Variants in NEBL observed in about 807,000 individuals in gnomAD.
The protein encoded by NEBL is nebulette, also known as LIM and SH3 protein 2.
In NEBL, 122 loss-of-function variants were observed where a neutral mutation model predicts 140.2. The ratio of observed to expected loss-of-function variants is 0.87; its 90% CI spans 0.75 to 1.01. The LOEUF is 1.01. Ranked by LOEUF, NEBL falls within the 50% of genes least tolerant of loss-of-function variation. The pLI is 0.00. For missense variants in NEBL, 1,365 were observed against 1,231.3 expected (o/e 1.11, Z -1.62); for synonymous variants, 436 against 398.9 (o/e 1.09, Z -1.11).
intron 3 of NEBL, among the ~76,000 whole-genome samples, chr10:21,220,155 C>T (rs746327543): frequency 7.9e-5 from 12 of 152,072 alleles, no homozygotes; most frequent in African/African-American, 1.9e-4. Context: ...TCAAGTGATC[C>T]GCCCATCTTG....
At chr10:21,171,334 T>C (rs1470063845) in intron 2 of NEBL, among the ~76,000 whole-genome samples, 2 of 88,340 alleles carry the variant, frequency 2.3e-5, no homozygotes, top group African/African-American at 5.2e-5. Context: ...AACTTCTGTC[T>C]CAAAAAAAAA....
At chr10:20,919,486 T>C (rs2131494705) in intron 4 of NEBL, among the ~76,000 whole-genome samples, 1 of 152,322 alleles carries the variant, frequency 6.6e-6, no homozygotes, top group South Asian at 2.1e-4. Context: ...AAAGAAAATT[T>C]CCATTATTAG....
chr10:21,276,546 C>T (rs990625586), intron 1 of NEBL, among the ~76,000 whole-genome samples: 1 of 152,194 alleles, frequency 6.6e-6, no homozygotes, highest in Non-Finnish European at 1.5e-5. Context: ...CTGATTGCCA[C>T]TCGAGTATGA....
chr10:20,788,881 T>C (rs1337469480), intron 26 of NEBL, among the ~76,000 whole-genome samples: 2 of 152,206 alleles, frequency 1.3e-5, no homozygotes, highest in Non-Finnish European at 2.9e-5. Context: ...TATATTAGAC[T>C]CTGGAAGCCT....
At chr10:21,031,889 A>G (rs1283114703) in intron 2 of NEBL, among the ~76,000 whole-genome samples, 1 of 152,220 alleles carries the variant, frequency 6.6e-6, no homozygotes, top group Non-Finnish European at 1.5e-5. Context: ...TTCATTGCAC[A>G]TAAAAGATTC....
chr10:20,840,518 A>G (rs1841313225), intron 13 of NEBL, among the ~76,000 whole-genome samples: 1 of 152,150 alleles, frequency 6.6e-6, no homozygotes, highest in South Asian at 2.1e-4. Flanking sequence ...CGTTTATTAT[A>G]TGGATTTTCT....
intron 26 of NEBL, among the ~76,000 whole-genome samples, chr10:20,792,123 GAAA>G (rs11286684): frequency 5.6e-5 from 6 of 106,780 alleles, no homozygotes; most frequent in African/African-American, 1.2e-4. Flanking sequence ...ATTCCAAATA[GAAA>G]AAAAAAAAAA....
At chr10:21,021,672 G>C (rs1483233874) in intron 2 of NEBL, among the ~76,000 whole-genome samples, 1 of 152,180 alleles carries the variant, frequency 6.6e-6, no homozygotes, top group Non-Finnish European at 1.5e-5. Flanking sequence ...GGTCAGGAAT[G>C]GCCCCTGGAT....
intron 3 of NEBL, among the ~76,000 whole-genome samples, chr10:21,011,227 C>T (rs946952242): frequency 1.3e-5 from 2 of 152,254 alleles, no homozygotes; most frequent in Non-Finnish European, 2.9e-5. Context: ...GAGCCCAGAT[C>T]GCTGGGTGGC....
chr10:20,998,756 T>C (rs551192509), intron 3 of NEBL, among the ~76,000 whole-genome samples: 1 of 152,294 alleles, frequency 6.6e-6, no homozygotes, highest in East Asian at 1.9e-4. Flanking sequence ...CTCTGCAACA[T>C]GTCAACTCTG....
chr10:20,899,514 C>G, upstream of NEBL: 1 of 919,460 alleles, frequency 1.1e-6, no homozygotes, highest in South Asian at 1.7e-5. Flanking sequence ...CCAAACACCA[C>G]GTGCAATGTG....
intron 3 of NEBL, among the ~76,000 whole-genome samples, chr10:21,214,525 T>C (rs1564543793): frequency 6.7e-6 from 1 of 148,226 alleles, no homozygotes; most frequent in African/African-American, 2.5e-5. Flanking sequence ...CACATGCACA[T>C]TACACACACA....
At chr10:21,110,820 T>A (rs1279697103) in intron 2 of NEBL, 11 of 605,718 alleles carry the variant, frequency 1.8e-5, no homozygotes, top group Non-Finnish European at 3.5e-5. Flanking sequence ...ATGCAAAGGA[T>A]GAATTGCACA....
intron 4 of NEBL, among the ~76,000 whole-genome samples, chr10:20,928,855 T>C (rs972088689): frequency 3.9e-5 from 6 of 152,254 alleles, no homozygotes; most frequent in Non-Finnish European, 5.9e-5. Context: ...AGATGAAAAA[T>C]ACAACAAAAA....
chr10:21,137,187 T>A (rs1839392386), intron 2 of NEBL, among the ~76,000 whole-genome samples: 1 of 152,162 alleles, frequency 6.6e-6, no homozygotes, highest in Non-Finnish European at 1.5e-5. Flanking sequence ...CTTTTACTTG[T>A]AAAAGTGGAG....
chr10:21,203,691 C>A (rs559457629), intron 3 of NEBL, among the ~76,000 whole-genome samples: 1 of 152,100 alleles, frequency 6.6e-6, no homozygotes, highest in Non-Finnish European at 1.5e-5. Context: ...AATGGAGTAA[C>A]CCAATAAAAA....
At chr10:20,979,990 G>T (rs1836966724) in intron 3 of NEBL, among the ~76,000 whole-genome samples, 4 of 151,068 alleles carry the variant, frequency 2.6e-5, no homozygotes, top group Non-Finnish European at 5.9e-5. Flanking sequence ...ACCACAACTG[G>T]ACACAGTTTA....
At chr10:20,984,168 T>TA (rs950825272) in intron 3 of NEBL, among the ~76,000 whole-genome samples, 15 of 151,686 alleles carry the variant, frequency 9.9e-5, no homozygotes, top group Non-Finnish European at 1.6e-4. Flanking sequence ...AAGATTATAT[T>TA]AAAAACAGGT....
At chr10:20,964,629 T>A (rs1836209542) in intron 3 of NEBL, among the ~76,000 whole-genome samples, 1 of 152,140 alleles carries the variant, frequency 6.6e-6, no homozygotes, top group African/African-American at 2.4e-5. Context: ...ATACCTTCAA[T>A]GCTCAGGATC....
Sources: allele counts gnomAD v4.1 joint callset (sites outside exome capture counted in the v4.1 genomes callset), GRCh38; gene constraint gnomAD v4.1.1; transcripts MANE v1.5; gene names NCBI Gene and HGNC (gene_info 2026-07-23, HGNC 2026-07-21).